Variants in MIPOL1 observed in about 807,000 individuals in gnomAD.
The protein encoded by MIPOL1 is mirror-image polydactyly 1, also known as mirror-image polydactyly gene 1 protein.
A neutral mutation model predicts 60.9 loss-of-function variants in MIPOL1; 57 were observed. That is an observed-to-expected ratio of 0.94 (90% confidence interval 0.76 to 1.17). MIPOL1 has a LOEUF of 1.17. Ranked by LOEUF, MIPOL1 falls within the 50% of genes most tolerant of loss-of-function variation. The probability of loss-of-function intolerance (pLI) is 0.00; values close to 1 mark genes in which losing one functional copy is unlikely to be tolerated. For synonymous variants in MIPOL1, 179 were observed against 168.8 expected (o/e 1.06, Z -0.47); for missense variants, 551 against 511.6 (o/e 1.08, Z -0.74).
At chr14:37,358,302 T>A (rs1476309214) in intron 9 of MIPOL1, among the ~76,000 whole-genome samples, 2 of 152,210 alleles carry the variant, frequency 1.3e-5, no homozygotes, top group Non-Finnish European at 2.9e-5. Flanking sequence ...TAAACATACC[T>A]GTGCATGTGT....
chr14:37,297,580 T>G (rs1322030019), intron 7 of MIPOL1, among the ~76,000 whole-genome samples: 5 of 152,168 alleles, frequency 3.3e-5, no homozygotes, highest in African/African-American at 4.8e-5. Flanking sequence ...CAAAATCTCC[T>G]TAAGCTGATA....
intron 10 of MIPOL1, among the ~76,000 whole-genome samples, chr14:37,394,203 G>A (rs1342888946): frequency 6.6e-6 from 1 of 150,658 alleles, no homozygotes; most frequent in Non-Finnish European, 1.5e-5. Flanking sequence ...TCAAGATTTT[G>A]TGAATTTTGC....
chr14:37,378,521 T>C (rs547754974), intron 10 of MIPOL1, among the ~76,000 whole-genome samples: 1 of 152,098 alleles, frequency 6.6e-6, no homozygotes, highest in Admixed American at 6.6e-5. Context: ...GGGAACAGGC[T>C]ATGACTATGG....
At chr14:37,273,150 T>C (rs989971635) in intron 6 of MIPOL1, among the ~76,000 whole-genome samples, 3 of 151,136 alleles carry the variant, frequency 2.0e-5, no homozygotes, top group Non-Finnish European at 4.5e-5. Flanking sequence ...TTTGAGGATA[T>C]GAGAAAAACT....
chr14:37,331,792 T>G (rs936146430), intron 9 of MIPOL1, among the ~76,000 whole-genome samples: 8 of 152,206 alleles, frequency 5.3e-5, no homozygotes, highest in Non-Finnish European at 1.0e-4. Flanking sequence ...TGTCTAGGAC[T>G]TTCAGTAATA....
intron 7 of MIPOL1, among the ~76,000 whole-genome samples, chr14:37,302,839 C>G (rs1012791348): frequency 6.6e-6 from 1 of 151,678 alleles, no homozygotes; most frequent in Non-Finnish European, 1.5e-5. Flanking sequence ...GATAGTGAGT[C>G]TTGAAATCAG....
intron 1 of MIPOL1, among the ~76,000 whole-genome samples, chr14:37,202,299 G>A (rs1050684605): frequency 2.6e-5 from 4 of 151,932 alleles, no homozygotes; most frequent in African/African-American, 9.7e-5. Flanking sequence ...TTTAAGAGGG[G>A]CCTCACCTTC....
At chr14:37,514,867 A>G (rs551389313) in intron 12 of MIPOL1, among the ~76,000 whole-genome samples, 3 of 152,248 alleles carry the variant, frequency 2.0e-5, no homozygotes, top group African/African-American at 7.2e-5. Flanking sequence ...ACAGTTGTGC[A>G]GCTATCCTAA....
intron 12 of MIPOL1, among the ~76,000 whole-genome samples, chr14:37,525,015 T>C (rs1271286303): frequency 6.6e-6 from 1 of 152,116 alleles, no homozygotes; most frequent in East Asian, 1.9e-4. Context: ...GAAATAAGAA[T>C]AAAAGGGGTC....
intron 12 of MIPOL1, among the ~76,000 whole-genome samples, chr14:37,510,311 A>G (rs975426608): frequency 6.6e-6 from 1 of 152,084 alleles, no homozygotes; most frequent in Non-Finnish European, 1.5e-5. Flanking sequence ...CAGTGGCACA[A>G]TCATGGCTCA....
At chr14:37,280,253 C>G (rs2083996780) in intron 6 of MIPOL1, among the ~76,000 whole-genome samples, 1 of 152,078 alleles carries the variant, frequency 6.6e-6, no homozygotes, top group Admixed American at 6.6e-5. Flanking sequence ...CATATCTTGG[C>G]TATTGTGAGT....
intron 11 of MIPOL1, among the ~76,000 whole-genome samples, chr14:37,496,502 C>A (rs1351059817): frequency 1.6e-4 from 23 of 143,836 alleles, no homozygotes; most frequent in African/African-American, 5.7e-4. Context: ...TCTTATACAC[C>A]AATAACAGAC....
intron 3 of MIPOL1, among the ~76,000 whole-genome samples, chr14:37,254,195 A>T (rs536089575): frequency 2.0e-5 from 3 of 151,894 alleles, no homozygotes; most frequent in South Asian, 2.1e-4. Flanking sequence ...ATTTTAAAAA[A>T]TTTCCTTTAA....
chr14:37,238,827 A>ATCC (rs1971907755), intron 1 of MIPOL1, among the ~76,000 whole-genome samples: 1 of 151,438 alleles, frequency 6.6e-6, no homozygotes, highest in African/African-American at 2.4e-5. Context: ...GACGGCTCAT[A>ATCC]CCAGTGGTGC....
At chr14:37,210,924 T>G (rs535802300) in intron 1 of MIPOL1, among the ~76,000 whole-genome samples, 11 of 152,314 alleles carry the variant, frequency 7.2e-5, no homozygotes, top group South Asian at 6.2e-4. Context: ...GGTTTCATTT[T>G]AGGCAGGTAG....
At chr14:37,358,001 C>T (rs2091963247) in intron 9 of MIPOL1, among the ~76,000 whole-genome samples, 1 of 151,730 alleles carries the variant, frequency 6.6e-6, no homozygotes, top group Non-Finnish European at 1.5e-5. Flanking sequence ...CTTCCTGCCC[C>T]CTGAGAGGCC....
chr14:37,289,079 G>A (rs2153414600), intron 7 of MIPOL1, among the ~76,000 whole-genome samples: 1 of 152,224 alleles, frequency 6.6e-6, no homozygotes, highest in African/African-American at 2.4e-5. Context: ...ACTTTAAAAG[G>A]ATTGAATAAT....
rs117128852 is a variant in MIPOL1, at chr14:37,415,119, A to C, written c.937-7736A>C. On this transcript the variant is annotated intron_variant, in intron 10 of 12. Transcript: ENST00000684589. Reference sequence around the variant, plus strand: ...AATATTTCTGAGAAGCTGTAATACTACTTTTTTGCCAGGGGTCTGTAAAGT... The same window carrying C: ...AATATTTCTGAGAAGCTGTAATACTCCTTTTTTGCCAGGGGTCTGTAAAGT... 1.8e-3 allele frequency among the ~76,000 whole-genome samples: 270 copies of C among 152,284 alleles called. 2 individuals are homozygous for C. The East Asian group carries it at 0.035, about 20-fold the overall frequency.
chr14:37,282,478 A>G (rs1284769508), intron 6 of MIPOL1, among the ~76,000 whole-genome samples: 1 of 151,892 alleles, frequency 6.6e-6, no homozygotes, highest in Non-Finnish European at 1.5e-5. Flanking sequence ...GGTAGCTCAC[A>G]CCTATAATCC....
Sources: gnomAD v4.1 joint callset for allele counts (sites outside exome capture counted in the v4.1 genomes callset) on GRCh38, gnomAD v4.1.1 for gene constraint, MANE v1.5 for transcripts, NCBI Gene and HGNC (gene_info 2026-07-23, HGNC 2026-07-21) for gene names.